Variants in SLC38A12 observed in about 807,000 individuals in gnomAD.
The protein encoded by SLC38A12 is solute carrier family 38 member 12, also known as putative sodium-coupled neutral amino acid transporter 12.
At chr17:74,825,742 CGTG>C in the SLC38A12 span, among the ~76,000 whole-genome samples, 26 of 152,234 alleles carry the variant, frequency 1.7e-4, no homozygotes, top group Non-Finnish European at 3.5e-4. Context: ...CCAGATCACT[CGTG>C]GTTGTGGGTC....
the SLC38A12 span, among the ~76,000 whole-genome samples, chr17:74,812,697 C>T: frequency 2.6e-5 from 4 of 152,152 alleles, no homozygotes. Context: ...CACTCCAAGC[C>T]CGAGTGCTCC....
At chr17:74,789,964 T>TTTG in the SLC38A12 span, among the ~76,000 whole-genome samples, 3 of 141,970 alleles carry the variant, frequency 2.1e-5, no homozygotes, top group African/African-American at 9.1e-5. Context: ...TGTTTTTTTG[T>TTTG]TTTTTTGAGA....
At chr17:74,816,171 A>T in the SLC38A12 span, among the ~76,000 whole-genome samples, 1 of 152,280 alleles carries the variant, frequency 6.6e-6, no homozygotes, top group East Asian at 1.9e-4. Flanking sequence ...TCCTTAATGC[A>T]TGCGTAGGAC....
the SLC38A12 span, chr17:74,777,355 G>A: frequency 4.7e-5 from 76 of 1,614,050 alleles, no homozygotes; most frequent in East Asian, 1.4e-3. Flanking sequence ...TACAGAGACC[G>A]GGGAACTCTA....
chr17:74,780,737 A>C, the SLC38A12 span, among the ~76,000 whole-genome samples: 1 of 152,214 alleles, frequency 6.6e-6, no homozygotes, highest in African/African-American at 2.4e-5. Context: ...GAGAAGGCAG[A>C]GAAGTCCTAC....
chr17:74,797,523 T>G, the SLC38A12 span, among the ~76,000 whole-genome samples: 12 of 152,330 alleles, frequency 7.9e-5, no homozygotes, highest in Admixed American at 5.2e-4. Flanking sequence ...GGCTTCTGTT[T>G]GCTCAGAGGC....
chr17:74,820,040 G>C, the SLC38A12 span, among the ~76,000 whole-genome samples: 1 of 152,238 alleles, frequency 6.6e-6, no homozygotes, highest in Non-Finnish European at 1.5e-5. Flanking sequence ...TTTACTGCTG[G>C]GGAAATTTAA....
chr17:74,776,659 G>A, the SLC38A12 span: 1 of 150,402 alleles, frequency 6.6e-6, no homozygotes. Context: ...GGCGGCACTA[G>A]ACTCGGGACT....
At chr17:74,777,389 A>G in the SLC38A12 span, 1 of 1,614,162 alleles carries the variant, frequency 6.2e-7, no homozygotes, top group Non-Finnish European at 8.5e-7. Context: ...AGTGTGACTT[A>G]TAGAACCTTT....
At chr17:74,818,672 G>A in the SLC38A12 span, among the ~76,000 whole-genome samples, 2 of 152,322 alleles carry the variant, frequency 1.3e-5, no homozygotes, top group East Asian at 3.9e-4. Context: ...CCCCACATTC[G>A]TTCAGGCTTC....
the SLC38A12 span, among the ~76,000 whole-genome samples, chr17:74,796,026 T>C: frequency 6.6e-6 from 1 of 152,284 alleles, no homozygotes; most frequent in Middle Eastern, 3.4e-3. Flanking sequence ...GAGCATATGG[T>C]TCGATGCTGG....
chr17:74,815,239 G>C, the SLC38A12 span, among the ~76,000 whole-genome samples: 1 of 152,166 alleles, frequency 6.6e-6, no homozygotes, highest in Non-Finnish European at 1.5e-5. Context: ...GCTTGGCAGA[G>C]TGTGGAGGGG....
chr17:74,837,559 G>C, the SLC38A12 span: 11 of 985,336 alleles, frequency 1.1e-5, no homozygotes, highest in Non-Finnish European at 1.3e-5. Flanking sequence ...CAGTGGGAGG[G>C]CTCTGAGGTT....
At chr17:74,808,559 G>A in the SLC38A12 span, among the ~76,000 whole-genome samples, 6 of 152,244 alleles carry the variant, frequency 3.9e-5, no homozygotes, top group South Asian at 6.2e-4. Context: ...TCCCTGCCCC[G>A]GGGCAGAGCC....
At chr17:74,811,251 G>A in the SLC38A12 span, among the ~76,000 whole-genome samples, 24 of 152,150 alleles carry the variant, frequency 1.6e-4, no homozygotes, top group Admixed American at 3.3e-4. Flanking sequence ...GATTGCTTGA[G>A]CCTGGGAGGT....
chr17:74,836,538 G>A, the SLC38A12 span: 2 of 1,613,186 alleles, frequency 1.2e-6, no homozygotes, highest in Admixed American at 3.3e-5. This position sits in a 1 kb window ranked among gnomAD's most constrained non-coding sequence, Gnocchi z 4.2. Flanking sequence ...CTGCCGCAGG[G>A]ACACCCAGCT....
At chr17:74,795,875 G>C in the SLC38A12 span, among the ~76,000 whole-genome samples, 1 of 152,224 alleles carries the variant, frequency 6.6e-6, no homozygotes, top group Non-Finnish European at 1.5e-5. Context: ...TAGGCACTCA[G>C]GTCATAGCCA....
chr17:74,824,313 C>T, the SLC38A12 span, among the ~76,000 whole-genome samples: 1 of 152,164 alleles, frequency 6.6e-6, no homozygotes, highest in African/African-American at 2.4e-5. Context: ...GGCAGGGGCT[C>T]TAGCCTCTGC....
At chr17:74,777,323 T>G in the SLC38A12 span, 5 of 1,614,068 alleles carry the variant, frequency 3.1e-6, no homozygotes, top group East Asian at 2.2e-5. Flanking sequence ...CCTTCCTCAC[T>G]TTTGGAAATG....
Sources: allele counts gnomAD v4.1 joint callset (sites outside exome capture counted in the v4.1 genomes callset), GRCh38; gene constraint gnomAD v4.1.1; non-coding constraint Gnocchi (gnomAD v3.1); transcripts MANE v1.5; gene names NCBI Gene and HGNC (gene_info 2026-07-23, HGNC 2026-07-21).